The following FAM117B variants were observed in gnomAD, a reference collection of about 807,000 sequenced individuals.
The protein encoded by FAM117B is family with sequence similarity 117 member B, also known as protein FAM117B.
Under a neutral mutation model 52.8 loss-of-function variants are expected in FAM117B, and 22 were observed. The ratio of observed to expected loss-of-function variants is 0.42; its 90% CI spans 0.30 to 0.59. The LOEUF is 0.59. Among genes scored for constraint, FAM117B ranks in the 20% least tolerant of loss-of-function variants. The pLI, the probability that FAM117B is intolerant of heterozygous loss-of-function variation, is 0.22. For missense variants in FAM117B, 678 were observed against 802.6 expected (o/e 0.84, Z 1.88); for synonymous variants, 309 against 324.1 (o/e 0.95, Z 0.50).
intron 2 of FAM117B, among the ~76,000 whole-genome samples, chr2:202,699,781 G>A (rs1296748457): frequency 6.6e-6 from 1 of 152,178 alleles, no homozygotes; most frequent in Non-Finnish European, 1.5e-5. Context: ...GGGCTTCGCA[G>A]ATATTGTGTT....
At chr2:202,679,974 GA>G (rs1235760534) in intron 1 of FAM117B, among the ~76,000 whole-genome samples, 1 of 151,986 alleles carries the variant, frequency 6.6e-6, no homozygotes, top group African/African-American at 2.4e-5. Flanking sequence ...AGATTTAAAG[GA>G]AAACATGAAT....
At chr2:202,735,551 G>T (rs1465254139) in intron 4 of FAM117B, among the ~76,000 whole-genome samples, 1 of 152,142 alleles carries the variant, frequency 6.6e-6, no homozygotes, top group African/African-American at 2.4e-5. Context: ...AATACTGCCA[G>T]GTTTCTTAGA....
At chr2:202,720,095 A>G (rs1052278585) in intron 2 of FAM117B, among the ~76,000 whole-genome samples, 5 of 152,176 alleles carry the variant, frequency 3.3e-5, no homozygotes, top group African/African-American at 1.2e-4. Context: ...CTGTTCTCCA[A>G]GAAACATTCA....
intron 4 of FAM117B, among the ~76,000 whole-genome samples, chr2:202,750,374 A>G (rs187170678): frequency 7.9e-5 from 12 of 152,252 alleles, no homozygotes; most frequent in Non-Finnish European, 7.4e-5. Flanking sequence ...TTAGCCAGGC[A>G]TGGTGGCATG....
At chr2:202,701,149 A>G (rs1483323583) in intron 2 of FAM117B, among the ~76,000 whole-genome samples, 2 of 152,196 alleles carry the variant, frequency 1.3e-5, no homozygotes, top group Non-Finnish European at 2.9e-5. Context: ...TGAAGCCAGT[A>G]CTCATTTACC....
intron 1 of FAM117B, among the ~76,000 whole-genome samples, chr2:202,670,292 T>C (rs935430555): frequency 6.8e-5 from 10 of 146,154 alleles, no homozygotes; most frequent in South Asian, 2.1e-4. Context: ...TTCTTTCTTT[T>C]TTTTTTCTTT....
chr2:202,645,749 G>A lies in FAM117B; in HGVS notation c.601+9961G>A, dbSNP rs1480981170. ...CTCCCGAGTAGCTGGGACTGTAGGC[G>A]CGCGCCACCACGCCCAGCTAAATTT... On this transcript the variant is annotated intron_variant, in intron 1 of 7. Coordinates refer to ENST00000392238, the MANE Select transcript of FAM117B (RefSeq NM_173511.4). Among the ~76,000 whole-genome samples, 7 of 151,672 alleles carry A rather than the reference G, an allele frequency of 4.6e-5. No individual in the cohort carries two copies. The South Asian group carries it at 1.3e-3, about 27-fold the overall frequency.
At chr2:202,678,155 C>T (rs1690405892) in intron 1 of FAM117B, among the ~76,000 whole-genome samples, 1 of 152,104 alleles carries the variant, frequency 6.6e-6, no homozygotes, top group African/African-American at 2.4e-5. Flanking sequence ...CTTAGTCTCG[C>T]ACTGAATTGG....
intron 2 of FAM117B, among the ~76,000 whole-genome samples, chr2:202,715,111 G>A (rs1414347120): frequency 1.3e-3 from 191 of 151,860 alleles, no homozygotes; most frequent in African/African-American, 4.4e-3. Flanking sequence ...AGGGGCAGCC[G>A]GGCAGAGGCG....
intron 4 of FAM117B, among the ~76,000 whole-genome samples, chr2:202,739,104 G>A (rs551642019): frequency 1.3e-5 from 2 of 152,138 alleles, no homozygotes; most frequent in African/African-American, 2.4e-5. Flanking sequence ...CAGGAGAATT[G>A]CTTGAACCCA....
intron 1 of FAM117B, among the ~76,000 whole-genome samples, chr2:202,667,778 A>T (rs1690228137): frequency 1.3e-5 from 2 of 152,070 alleles, no homozygotes. Context: ...GCTAGGTTTC[A>T]GTCTTTGGAG....
intron 1 of FAM117B, among the ~76,000 whole-genome samples, chr2:202,644,670 G>A (rs1689833962): frequency 6.6e-6 from 1 of 152,228 alleles, no homozygotes; most frequent in South Asian, 2.1e-4. Context: ...AATATCTTCA[G>A]TGATGTCTTT....
intron 4 of FAM117B, among the ~76,000 whole-genome samples, chr2:202,740,410 C>A (rs2105793014): frequency 6.7e-6 from 1 of 149,206 alleles, no homozygotes; most frequent in Non-Finnish European, 1.5e-5. Flanking sequence ...ACTAACACTT[C>A]AGTAATAAAA....
chr2:202,766,027 A>G lies in FAM117B; in HGVS notation c.*263A>G, dbSNP rs1474081060. 2.2e-6 allele frequency: 1 copy of G among 445,846 alleles called. No homozygotes were observed. The highest frequency in any genetic ancestry group is 4.0e-6 in the Non-Finnish European group (1 of 247,602). 27.6% of individuals were successfully genotyped at this position (445,846 alleles called of 1,614,324 possible). On this transcript the variant is annotated 3_prime_UTR_variant, in exon 8 of 8. Coordinates refer to ENST00000392238, the MANE Select transcript of FAM117B (RefSeq NM_173511.4). The stretch of plus-strand genomic sequence containing the variant: ...CATTCTTTACCTTTGGAGAGACAAT[A>G]TCACGTTTTTGTTTTCGAATTAGAC...
chr2:202,701,993 G>A (rs554454107), intron 2 of FAM117B, among the ~76,000 whole-genome samples: 1 of 152,270 alleles, frequency 6.6e-6, no homozygotes, highest in African/African-American at 2.4e-5. Flanking sequence ...GAGAGAAATT[G>A]TACTATGGGC....
intron 1 of FAM117B, among the ~76,000 whole-genome samples, chr2:202,694,188 CTTTTTTT>C (rs757843381): frequency 3.0e-5 from 3 of 99,066 alleles, no homozygotes; most frequent in African/African-American, 1.3e-4. Flanking sequence ...AAACCCACTT[CTTTTTTT>C]TTTTTTTTTT....
At position 202,768,052 on chromosome 2, in the gene FAM117B, A is replaced by G. The variant is rs1366787455; in HGVS notation, c.*2288A>G. The G allele has an allele frequency of 1.3e-5, 2 of 150,804 alleles. No individual in the cohort carries two copies. The highest frequency in any genetic ancestry group is 3.0e-5 in the Non-Finnish European group (2 of 67,488). The allele number at this position is 150,804 out of a possible 1,614,324, so 9.3% of individuals were successfully genotyped here. The stretch of plus-strand genomic sequence containing the variant: ...CAGAAGAAAAGGTAAAACTGAAATC[A>G]GAATGGGGGTAGAGGAAGTTAAAAA... On this transcript the variant is annotated 3_prime_UTR_variant, in exon 8 of 8. Transcript: ENST00000392238.
At chr2:202,661,324 A>ACAG (rs1317751487) in intron 1 of FAM117B, among the ~76,000 whole-genome samples, 1 of 152,234 alleles carries the variant, frequency 6.6e-6, no homozygotes, top group Non-Finnish European at 1.5e-5. Flanking sequence ...TCAGATGCGT[A>ACAG]TTTGAAAGTC....
chr2:202,736,869 A>G (rs1691446054), intron 4 of FAM117B, among the ~76,000 whole-genome samples: 1 of 152,130 alleles, frequency 6.6e-6, no homozygotes, highest in Non-Finnish European at 1.5e-5. Context: ...ATTCCTGTAT[A>G]GACCTTTCTC....
Sources: gnomAD v4.1 joint callset for allele counts (sites outside exome capture counted in the v4.1 genomes callset) on GRCh38, gnomAD v4.1.1 for gene constraint, MANE v1.5 for transcripts, NCBI Gene and HGNC (gene_info 2026-07-23, HGNC 2026-07-21) for gene names.